The following ADAMTSL1 variants were observed in gnomAD, a reference collection of about 807,000 sequenced individuals.
ADAMTSL1 encodes ADAMTS-like protein 1.
A neutral mutation model predicts 201.8 loss-of-function variants in ADAMTSL1; 126 were observed. The ratio of observed to expected loss-of-function variants is 0.62; its 90% CI spans 0.54 to 0.72. ADAMTSL1 has a LOEUF of 0.72. ADAMTSL1 is among the 30% of genes least tolerant of loss of function. The probability of loss-of-function intolerance (pLI) is 0.00; values close to 1 mark genes in which losing one functional copy is unlikely to be tolerated. For missense variants in ADAMTSL1, 2,679 were observed against 2,277.8 expected, an observed-to-expected ratio of 1.18 and a Z score of -3.59; for synonymous variants, 1,121 against 903.4, an observed-to-expected ratio of 1.24 and a Z score of -4.32.
chr9:18,808,335 T>C (rs1334464078), intron 20 of ADAMTSL1, among the ~76,000 whole-genome samples: 1 of 152,198 alleles, frequency 6.6e-6, no homozygotes, highest in African/African-American at 2.4e-5. Context: ...TTAAGCAACA[T>C]TATTTTCATT....
intron 2 of ADAMTSL1, among the ~76,000 whole-genome samples, chr9:18,312,306 A>G (rs1259592658): frequency 6.6e-6 from 1 of 152,264 alleles, no homozygotes; most frequent in Non-Finnish European, 1.5e-5. Context: ...CTAAAAGCTC[A>G]GTAATATTCA....
chr9:18,179,697 C>A (rs527945479), intron 2 of ADAMTSL1, among the ~76,000 whole-genome samples: 6 of 152,232 alleles, frequency 3.9e-5, no homozygotes, highest in African/African-American at 1.2e-4. Flanking sequence ...CTCTACAAGC[C>A]AGAAGAGAGT....
chr9:18,002,060 T>A (rs1052582951), intron 1 of ADAMTSL1, among the ~76,000 whole-genome samples: 3 of 151,822 alleles, frequency 2.0e-5, no homozygotes, highest in African/African-American at 7.3e-5. Flanking sequence ...ACTGAAAGGA[T>A]GAAGTCAGTA....
intron 2 of ADAMTSL1, among the ~76,000 whole-genome samples, chr9:18,219,760 C>T (rs1341591550): frequency 6.6e-6 from 1 of 152,122 alleles, no homozygotes; most frequent in South Asian, 2.1e-4. Flanking sequence ...AGTTCTTTGT[C>T]ACTTACAGTG....
chr9:18,903,476 C>CA (rs1420403643), intron 26 of ADAMTSL1, among the ~76,000 whole-genome samples: 2 of 152,168 alleles, frequency 1.3e-5, no homozygotes, highest in Non-Finnish European at 2.9e-5. Context: ...AGAGTAGACA[C>CA]AAAGTAGGCT....
At chr9:18,211,732 C>T (rs1255570948) in intron 2 of ADAMTSL1, among the ~76,000 whole-genome samples, 2 of 152,162 alleles carry the variant, frequency 1.3e-5, no homozygotes, top group East Asian at 1.9e-4. Context: ...GCTAAAGATA[C>T]CTTCCATGTA....
At chr9:18,907,399 C>G (rs1444165194) in intron 28 of ADAMTSL1, 1 of 168,548 alleles carries the variant, frequency 5.9e-6, no homozygotes, top group Non-Finnish European at 1.3e-5. Context: ...ACAGGCATCC[C>G]CTGGAACTGT....
chr9:18,399,151 C>G (rs1431248343), intron 2 of ADAMTSL1, among the ~76,000 whole-genome samples: 2 of 151,264 alleles, frequency 1.3e-5, no homozygotes, highest in Non-Finnish European at 2.9e-5. Context: ...TGTTCACTGC[C>G]AAGTGTCAGA....
chr9:18,218,334 T>C (rs1360545987), intron 2 of ADAMTSL1, among the ~76,000 whole-genome samples: 1 of 152,190 alleles, frequency 6.6e-6, no homozygotes, highest in Non-Finnish European at 1.5e-5. Flanking sequence ...GGCATTTCAT[T>C]TAATTTTGGA....
chr9:18,614,999 G>C (rs975757749), intron 4 of ADAMTSL1, among the ~76,000 whole-genome samples: 1 of 151,922 alleles, frequency 6.6e-6, no homozygotes, highest in African/African-American at 2.4e-5. Flanking sequence ...ACCTGAGTTT[G>C]CAATTAAAAA....
intron 2 of ADAMTSL1, among the ~76,000 whole-genome samples, chr9:18,526,601 G>A (rs1054682890): frequency 1.3e-5 from 2 of 152,174 alleles, no homozygotes; most frequent in African/African-American, 4.8e-5. Context: ...CATGTTTAGT[G>A]CTTCCTTCAG....
chr9:18,325,556 C>A (rs761316869), intron 2 of ADAMTSL1, among the ~76,000 whole-genome samples: 3 of 152,096 alleles, frequency 2.0e-5, no homozygotes, highest in Non-Finnish European at 4.4e-5. Flanking sequence ...AGCAACATAC[C>A]ACAGACTGAG....
intron 1 of ADAMTSL1, among the ~76,000 whole-genome samples, chr9:18,136,007 A>G (rs1826143136): frequency 6.6e-6 from 1 of 152,154 alleles, no homozygotes; most frequent in Non-Finnish European, 1.5e-5. Flanking sequence ...TTTGCTCAGG[A>G]TCATGTAACT....
intron 1 of ADAMTSL1, among the ~76,000 whole-genome samples, chr9:17,972,327 C>A (rs191004007): frequency 0.17 from 15,965 of 95,162 alleles, 1,991 homozygotes; most frequent in Middle Eastern, 0.25. Context: ...CCCCAAGCTA[C>A]AACAGTCCCC....
chr9:18,150,419 T>C (rs772678826), intron 1 of ADAMTSL1, among the ~76,000 whole-genome samples: 2 of 152,054 alleles, frequency 1.3e-5, no homozygotes, highest in Non-Finnish European at 2.9e-5. Context: ...GCCTATTACA[T>C]TTGGTATCTA....
intron 1 of ADAMTSL1, among the ~76,000 whole-genome samples, chr9:18,072,741 G>A (rs1823024457): frequency 1.3e-5 from 2 of 152,198 alleles, no homozygotes; most frequent in Non-Finnish European, 2.9e-5. Flanking sequence ...TCGTTTTGAA[G>A]GGTTGGTACT....
chr9:18,316,253 G>C (rs891098321), intron 2 of ADAMTSL1, among the ~76,000 whole-genome samples: 2 of 152,182 alleles, frequency 1.3e-5, no homozygotes, highest in African/African-American at 2.4e-5. Flanking sequence ...ATGAAGTTTC[G>C]GGCACCATTG....
At position 18,908,701 on chromosome 9, in the gene ADAMTSL1, C is replaced by A. The variant is rs1830446364; in HGVS notation, c.*153C>A. 9.8e-6 allele frequency: 6 copies of A among 611,546 alleles called. No homozygotes were observed. The South Asian group carries it at 1.2e-4, about 12-fold the overall frequency. 37.9% of individuals were successfully genotyped at this position (611,546 alleles called of 1,614,324 possible). ...AACCTCCTCCACCTCCACCTTCAAG[C>A]ATAAGGACGTCCGCGTGTTTTCTCT... On this transcript the variant is annotated 3_prime_UTR_variant, in exon 29 of 29. Transcript: ENST00000380548.
chr9:18,025,523 T>C (rs1467785742), intron 1 of ADAMTSL1, among the ~76,000 whole-genome samples: 3 of 152,006 alleles, frequency 2.0e-5, no homozygotes, highest in African/African-American at 7.2e-5. Context: ...CTTTCCCCAT[T>C]GCCTATTTTG....
Sources: allele counts gnomAD v4.1 joint callset (sites outside exome capture counted in the v4.1 genomes callset), GRCh38; gene constraint gnomAD v4.1.1; transcripts MANE v1.5; gene names NCBI Gene and HGNC (gene_info 2026-07-23, HGNC 2026-07-21).